Variants in PALS1 observed in about 807,000 individuals in gnomAD.
The protein encoded by PALS1 is protein associated with LIN7 1, MAGUK p55 family member, also known as protein PALS1.
In PALS1, 31 loss-of-function variants were observed where a neutral mutation model predicts 78.9. That is an observed-to-expected ratio of 0.39 (90% CI 0.30 to 0.53). The LOEUF (loss-of-function observed/expected upper bound fraction) is 0.53. PALS1 is among the 20% of genes least tolerant of loss of function. The pLI is 0.67. For synonymous variants in PALS1, 276 were observed against 270.9 expected (o/e 1.02, Z -0.18); for missense variants, 704 against 826.5 (o/e 0.85, Z 1.82).
In PALS1 at chr14:67,279,047, T is replaced by G; in HGVS notation, c.-124T>G. On this transcript the variant is annotated 5_prime_UTR_variant, in exon 3 of 15. Coordinates refer to ENST00000261681, the MANE Select transcript of PALS1 (RefSeq NM_022474.4). ...CCTTCATGGATACTTTTTCATAGCA[T>G]TATTATGTGATGTGAGAAGTTTTTT... is the stretch of plus-strand genomic sequence containing the variant. The G allele has an allele frequency of 2.0e-5, 18 of 878,948 alleles. No homozygotes were observed. Among genetic ancestry groups the G allele is most frequent in the Non-Finnish European group, 2.3e-5 (14 of 615,774 alleles). The allele number at this position is 878,948 out of a possible 1,614,324, so 54.4% of individuals were successfully genotyped here. A position where few individuals can be genotyped will look rare whatever the true frequency, so the allele number is the denominator to read the frequency against.
chr14:67,325,837 C>G (rs2085344697), intron 14 of PALS1, among the ~76,000 whole-genome samples: 1 of 150,208 alleles, frequency 6.7e-6, no homozygotes, highest in Non-Finnish European at 1.5e-5. Context: ...GAGACAGAGT[C>G]TTACTCTGTC....
At chr14:67,258,355 C>T (rs146263318) in intron 1 of PALS1, among the ~76,000 whole-genome samples, 5 of 152,082 alleles carry the variant, frequency 3.3e-5, no homozygotes, top group Non-Finnish European at 5.9e-5. Context: ...GGCAATGTGG[C>T]GAAACCCCGT....
intron 3 of PALS1, among the ~76,000 whole-genome samples, chr14:67,287,848 A>G (rs1271121038): frequency 6.6e-6 from 1 of 152,232 alleles, no homozygotes; most frequent in Non-Finnish European, 1.5e-5. Context: ...AAGTACAGGT[A>G]ATTTTCAAAA....
chr14:67,264,702 T>C (rs192895949), intron 1 of PALS1, among the ~76,000 whole-genome samples: 11 of 152,366 alleles, frequency 7.2e-5, no homozygotes, highest in Middle Eastern at 3.4e-3. Flanking sequence ...TCGAGCTCTT[T>C]TGTCCACATT....
chr14:67,264,118 G>A lies in PALS1; in HGVS notation c.-236-5583G>A, dbSNP rs113084988. 7.9e-5 allele frequency among the ~76,000 whole-genome samples: 12 copies of A among 152,262 alleles called. 2 individuals carry two copies. The highest frequency in any genetic ancestry group is 1.7e-4 in the African/African-American group (7 of 41,542). On this transcript the variant is annotated intron_variant, in intron 1 of 14. Transcript: ENST00000261681. Reference sequence around the variant, plus strand: ...GTTGGTGTAAGGATTAGATGATGTCGTGGACATGCAACCATATGTACAAGA... The same window carrying A: ...GTTGGTGTAAGGATTAGATGATGTCATGGACATGCAACCATATGTACAAGA...
At chr14:67,261,597 G>T (rs1355987202) in intron 1 of PALS1, among the ~76,000 whole-genome samples, 1 of 152,078 alleles carries the variant, frequency 6.6e-6, no homozygotes, top group Non-Finnish European at 1.5e-5. Context: ...GGCTCACTTT[G>T]CCAGCACATA....
intron 4 of PALS1, among the ~76,000 whole-genome samples, chr14:67,299,334 G>A (rs10137026): frequency 0.15 from 23,496 of 152,048 alleles, 3,405 homozygotes; most frequent in East Asian, 0.41. Context: ...AACAAGTAGC[G>A]AAATGTAGGA....
chr14:67,267,849 G>A (rs943315638), intron 1 of PALS1, among the ~76,000 whole-genome samples: 4 of 152,104 alleles, frequency 2.6e-5, no homozygotes, highest in African/African-American at 4.8e-5. Context: ...AATCATACTC[G>A]TGTCTGGCAT....
Position 67,274,337 on chromosome 14 carries a change from A to G in PALS1, c.-154+4554A>G, listed in dbSNP as rs1345301072. The stretch of plus-strand genomic sequence containing the variant: ...AAGGGATCCAGTTTCAGCTTTCTAC[A>G]TATGCCTAGCCAGTTTTCCCAGCAC... On this transcript the variant is annotated intron_variant, in intron 2 of 14. Coordinates refer to ENST00000261681, the MANE Select transcript of PALS1 (RefSeq NM_022474.4). Among the ~76,000 whole-genome samples, 3 of 152,206 alleles carry G rather than the reference A, an allele frequency of 2.0e-5. 1 individual carries two copies. The highest frequency in any genetic ancestry group is 4.4e-5 in the Non-Finnish European group (3 of 68,034).
chr14:67,276,200 TA>T (rs142648450), intron 2 of PALS1, among the ~76,000 whole-genome samples: 23,401 of 151,938 alleles, frequency 0.15, 3,378 homozygotes, highest in East Asian at 0.42. Flanking sequence ...ATTTTCAGGG[TA>T]AAGATCTAAA....
chr14:67,274,648 A>G (rs983087852), intron 2 of PALS1, among the ~76,000 whole-genome samples: 6 of 152,262 alleles, frequency 3.9e-5, no homozygotes, highest in East Asian at 3.9e-4. Flanking sequence ...GTTTTTTCCA[A>G]TTCTGTGAAG....
chr14:67,324,700 C>T (rs1379923626), intron 14 of PALS1, among the ~76,000 whole-genome samples: 1 of 151,834 alleles, frequency 6.6e-6, no homozygotes, highest in Non-Finnish European at 1.5e-5. Context: ...CCTCTCACCC[C>T]AGCCTGTCCA....
rs1595617856 is a variant in PALS1 at position 67,323,830 on chromosome 14, T to C, written c.1851+18T>C. ...ATCCAAAGGTAAAGTTTTCACACTA[T>C]TGTACTATTCCATTGAAGGTAAACA... On this transcript the variant is annotated intron_variant, in intron 14 of 14. Transcript: ENST00000261681. 3.1e-6 allele frequency: 4 copies of C among 1,292,404 alleles called. No individual in the cohort carries two copies. The highest frequency in any genetic ancestry group is 4.4e-6 in the Non-Finnish European group (4 of 905,220). 80.1% of individuals were successfully genotyped at this position (1,292,404 alleles called of 1,614,324 possible).
chr14:67,241,660 G>C (rs997663142), intron 1 of PALS1, 127 bp downstream of exon 1: 4 of 152,554 alleles, frequency 2.6e-5, no homozygotes, highest in African/African-American at 9.7e-5. Context: ...TCCGGCCAGC[G>C]GGAGACCCCT....
chr14:67,246,998 A>G (rs2083998008), intron 1 of PALS1, among the ~76,000 whole-genome samples: 1 of 152,110 alleles, frequency 6.6e-6, no homozygotes, highest in Middle Eastern at 3.4e-3. Context: ...TGACTCTTCC[A>G]CTGTATTCTT....
In PALS1 at chr14:67,316,884, T is replaced by C. The variant is rs1337062948; in HGVS notation, c.1278T>C (p.Asp426=). 1 of 1,611,810 alleles carries C rather than the reference T, an allele frequency of 6.2e-7. No homozygotes were observed. Among genetic ancestry groups the C allele is most frequent in the East Asian group, 2.2e-5 (1 of 44,720 alleles). ...REAMKQTIEE[D]KEPEKSGKLW... ...CCATGAAACAAACCATAGAAGAAGA[T>C]AAGGAGCCAGAAAAATCAGGTTAGA... The change falls in exon 10 of 15, where the codon GAT becomes GAC. Residue 426 remains aspartate (D), a synonymous_variant. Coordinates refer to ENST00000261681, the MANE Select transcript of PALS1 (RefSeq NM_022474.4).
chr14:67,307,821 G>A (rs925200706), intron 8 of PALS1, among the ~76,000 whole-genome samples: 1 of 151,948 alleles, frequency 6.6e-6, no homozygotes, highest in African/African-American at 2.4e-5. Flanking sequence ...GCAGAGATGT[G>A]GAATCAACCT....
At chr14:67,280,837 T>TTCCTTCCTTCCTTCCTTCCTTCCTTCCC in intron 3 of PALS1, among the ~76,000 whole-genome samples, 1 of 133,522 alleles carries the variant, frequency 7.5e-6, no homozygotes, top group African/African-American at 3.2e-5. Flanking sequence ...CCTTCCTTCC[T>TTCCTTCCTTCCTTCCTTCCTTCCTTCCC]TCCTTCCTTC....
chr14:67,332,982 TG>T lies in PALS1; in HGVS notation c.*28del. The T allele has an allele frequency of 1.9e-6, 3 of 1,586,670 alleles. No individual in the cohort carries two copies. Among genetic ancestry groups the T allele is most frequent in the Non-Finnish European group, 2.6e-6 (3 of 1,161,538 alleles). On this transcript the variant is annotated 3_prime_UTR_variant, in exon 15 of 15. Transcript: ENST00000261681. ...AAGAAACATCCATTCTGTGGCATGTTGGACTTGATCTGGCAAAAACTGCCAA... is the reference window on the plus strand; with the variant it reads ...AAGAAACATCCATTCTGTGGCATGTTGACTTGATCTGGCAAAAACTGCCAA...
Sources: gnomAD v4.1 joint callset for allele counts (sites outside exome capture counted in the v4.1 genomes callset) on GRCh38, gnomAD v4.1.1 for gene constraint, MANE v1.5 for transcripts, NCBI Gene and HGNC (gene_info 2026-07-23, HGNC 2026-07-21) for gene names.